The following FBXL20 variants were observed in gnomAD, a reference collection of about 807,000 sequenced individuals.
The protein encoded by FBXL20 is F-box/LRR-repeat protein 20.
FBXL20 carries 11 observed loss-of-function variants against 64.0 expected under a neutral mutation model. The observed-to-expected ratio is 0.17, with a 90% CI of 0.11 to 0.28. The LOEUF is 0.28. FBXL20 is among the 10% of genes least tolerant of loss of function. The pLI is 1.00. For missense variants in FBXL20, 303 were observed against 526.2 expected (o/e 0.58, Z 4.15); for synonymous variants, 184 against 189.0 (o/e 0.97, Z 0.22).
chr17:39,338,986 G>A (rs1413788097), intron 2 of FBXL20, among the ~76,000 whole-genome samples: 1 of 151,828 alleles, frequency 6.6e-6, no homozygotes, highest in Non-Finnish European at 1.5e-5. Context: ...GGCCAACATC[G>A]TGAATCCCTG....
At chr17:39,359,414 G>C (rs2047773139) in intron 1 of FBXL20, among the ~76,000 whole-genome samples, 1 of 152,306 alleles carries the variant, frequency 6.6e-6, no homozygotes, top group East Asian at 1.9e-4. Context: ...CATGATGTCA[G>C]GAGTTCAAGA....
chr17:39,277,273 G>A (rs950893180), intron 9 of FBXL20, among the ~76,000 whole-genome samples: 1 of 152,176 alleles, frequency 6.6e-6, no homozygotes, highest in African/African-American at 2.4e-5. Flanking sequence ...ATGATGTATT[G>A]TCTTTAGACT....
chr17:39,308,938 GCTTCTGCCT>G (rs1407567127), intron 2 of FBXL20, among the ~76,000 whole-genome samples: 8 of 151,794 alleles, frequency 5.3e-5, no homozygotes, highest in Admixed American at 5.3e-4. Flanking sequence ...TAGCCTTGAG[GCTTCTGCCT>G]CAGCCTCCCA....
At chr17:39,313,573 G>C (rs2144490787) in intron 2 of FBXL20, among the ~76,000 whole-genome samples, 1 of 152,074 alleles carries the variant, frequency 6.6e-6, no homozygotes, top group East Asian at 1.9e-4. Flanking sequence ...AGAATTGGTG[G>C]GGTAGGCTGC....
intron 2 of FBXL20, among the ~76,000 whole-genome samples, chr17:39,314,537 A>G (rs2047266303): frequency 6.6e-6 from 1 of 151,786 alleles, no homozygotes; most frequent in East Asian, 1.9e-4. Flanking sequence ...AATTTTGTAT[A>G]TATAGTAGAG....
chr17:39,296,783 G>T (rs910482258), intron 6 of FBXL20, among the ~76,000 whole-genome samples: 1 of 152,020 alleles, frequency 6.6e-6, no homozygotes, highest in African/African-American at 2.4e-5. Flanking sequence ...CTCTGTTTAA[G>T]ATTTTAATCT....
intron 2 of FBXL20, among the ~76,000 whole-genome samples, chr17:39,311,040 A>G (rs907043659): frequency 1.3e-5 from 2 of 151,814 alleles, no homozygotes; most frequent in Non-Finnish European, 2.9e-5. Context: ...GTATGCACGT[A>G]TATGTAGCCC....
chr17:39,388,635 C>T (rs2048105796), intron 1 of FBXL20, among the ~76,000 whole-genome samples: 2 of 151,120 alleles, frequency 1.3e-5, no homozygotes, highest in Non-Finnish European at 1.5e-5. Flanking sequence ...AGGCGCCCGC[C>T]ACCATGCCCA....
chr17:39,304,112 T>C (rs1337419220), intron 2 of FBXL20, among the ~76,000 whole-genome samples: 3 of 152,050 alleles, frequency 2.0e-5, no homozygotes, highest in African/African-American at 4.8e-5. Flanking sequence ...ATACTGCCCA[T>C]ATAAAACACA....
At chr17:39,376,746 G>A (rs2047970857) in intron 1 of FBXL20, among the ~76,000 whole-genome samples, 1 of 152,178 alleles carries the variant, frequency 6.6e-6, no homozygotes, top group Admixed American at 6.6e-5. Flanking sequence ...CAGGTGCAGT[G>A]GCTCATGCAT....
upstream of FBXL20, chr17:39,402,387 CATG>C (rs2048258208): frequency 2.3e-6 from 1 of 427,604 alleles, no homozygotes; most frequent in Non-Finnish European, 3.9e-6. Flanking sequence ...TCTCCCTGTG[CATG>C]GCTCGGGAGG....
chr17:39,363,810 C>CAAAAAAAAAAAACAAAAAAAAAAAAAAA (rs1567896910), intron 1 of FBXL20, among the ~76,000 whole-genome samples: 1 of 26,668 alleles, frequency 3.7e-5, no homozygotes, highest in Non-Finnish European at 6.3e-5. Flanking sequence ...GACTTTATCT[C>CAAAAAAAAAAAACAAAAAAAAAAAAAAA]AAAAAAAAAA....
Position 39,352,694 on chromosome 17 carries a change from A to G in FBXL20, c.43-9453T>C, listed in dbSNP as rs2047698875. ...AAGCTCTGTCTGGGAAAAAAAAAAA[A>G]AAAGAAAAGAAGAAAAAAAAGGAAA... On this transcript the variant is annotated intron_variant, in intron 1 of 14. Transcript: ENST00000264658. Among the ~76,000 whole-genome samples, 3 of 151,786 alleles carry G rather than the reference A, an allele frequency of 2.0e-5. No homozygotes were observed. In the South Asian group the frequency reaches 6.2e-4, roughly 31 times the overall value.
At chr17:39,382,442 C>CAA (rs543348192) in intron 1 of FBXL20, among the ~76,000 whole-genome samples, 8 of 88,140 alleles carry the variant, frequency 9.1e-5, no homozygotes, top group Non-Finnish European at 1.3e-4. Context: ...GACTCCATCT[C>CAA]AAAAAAAAAA....
chr17:39,369,622 A>AT (rs1307037276), intron 1 of FBXL20, among the ~76,000 whole-genome samples: 2 of 151,912 alleles, frequency 1.3e-5, no homozygotes, highest in African/African-American at 4.8e-5. Flanking sequence ...AAGTGCTGGG[A>AT]TTACAGATGT....
At chr17:39,380,963 C>T (rs974305076) in intron 1 of FBXL20, among the ~76,000 whole-genome samples, 6 of 151,870 alleles carry the variant, frequency 4.0e-5, no homozygotes, top group African/African-American at 7.3e-5. Context: ...AGTTCGAGAG[C>T]AGCCTGACCA....
intron 1 of FBXL20, among the ~76,000 whole-genome samples, chr17:39,391,343 T>G (rs1394275786): frequency 6.6e-6 from 1 of 151,952 alleles, no homozygotes; most frequent in East Asian, 1.9e-4. Context: ...TCTAACTGGC[T>G]TTTCTTTAAT....
rs902519892 is a variant in FBXL20, at chr17:39,258,128, A to G, written c.*3332T>C. The G allele has an allele frequency of 6.6e-6, 1 of 152,064 alleles. No homozygotes were observed. Among genetic ancestry groups the G allele is most frequent in the African/African-American group, 2.4e-5 (1 of 41,404 alleles). 9.4% of individuals were successfully genotyped at this position (152,064 alleles called of 1,614,324 possible). ...TTCTCTCTGTTCACTGTTTTTTTCC[A>G]TTATAAAAGGCATATTTTGGAGTGG... On this transcript the variant is annotated 3_prime_UTR_variant, in exon 15 of 15. Coordinates refer to ENST00000264658, the MANE Select transcript of FBXL20 (RefSeq NM_032875.3).
At position 39,270,875 on chromosome 17, in the gene FBXL20, AAAC is replaced by A; in HGVS notation, c.828-22_828-20del. On this transcript the variant is annotated intron_variant, in intron 10 of 14. Coordinates refer to ENST00000264658, the MANE Select transcript of FBXL20 (RefSeq NM_032875.3). The stretch of plus-strand genomic sequence containing the variant: ...CAATATTCTGTTAAAAAAAAAAAAA[AAAC>A]AGTGAAAGTCAAGCTCTTGGTCCCT... The A allele has an allele frequency of 5.1e-6, 8 of 1,574,018 alleles. No homozygotes were observed. The highest frequency in any genetic ancestry group is 1.7e-4 in the Middle Eastern group (1 of 5,950).
Sources: allele counts gnomAD v4.1 joint callset (sites outside exome capture counted in the v4.1 genomes callset), GRCh38; gene constraint gnomAD v4.1.1; transcripts MANE v1.5; gene names NCBI Gene and HGNC (gene_info 2026-07-23, HGNC 2026-07-21).